Variants in TMEM132B observed in about 807,000 individuals in gnomAD.
The protein encoded by TMEM132B is transmembrane protein 132B.
Under a neutral mutation model 90.8 loss-of-function variants are expected in TMEM132B, and 18 were observed. That is an observed-to-expected ratio of 0.20 (90% CI 0.14 to 0.29). The LOEUF is 0.29. Ranked by LOEUF, TMEM132B falls within the 10% of genes least tolerant of loss-of-function variation. The probability of loss-of-function intolerance (pLI) is 1.00; values close to 1 mark genes in which losing one functional copy is unlikely to be tolerated. For missense variants in TMEM132B, 1,096 were observed against 1,326.8 expected (o/e 0.83, Z 2.70); for synonymous variants, 504 against 523.3 (o/e 0.96, Z 0.50).
At chr12:125,391,052 TGTG>T (rs1878999788) in intron 2 of TMEM132B, among the ~76,000 whole-genome samples, 1 of 151,092 alleles carries the variant, frequency 6.6e-6, no homozygotes, top group African/African-American at 2.4e-5. Context: ...TGTGTGTGTG[TGTG>T]TGTGTGTGTG....
At chr12:125,274,390 T>A (rs11058114) in intron 1 of TMEM132B, among the ~76,000 whole-genome samples, 15,888 of 152,260 alleles carry the variant, frequency 0.1, 894 homozygotes, top group African/African-American at 0.12. Flanking sequence ...ATCCTCCAGG[T>A]TCAGTGTCTA....
intron 1 of TMEM132B, among the ~76,000 whole-genome samples, chr12:125,346,505 A>G (rs1015784866): frequency 1.7e-4 from 26 of 152,354 alleles, no homozygotes; most frequent in African/African-American, 5.5e-4. Context: ...TCCTGTTGCC[A>G]AGTAATTCAT....
intron 4 of TMEM132B, among the ~76,000 whole-genome samples, chr12:125,551,968 A>G (rs570041140): frequency 6.6e-6 from 1 of 152,282 alleles, no homozygotes; most frequent in South Asian, 2.1e-4. Flanking sequence ...TTGCCATGAG[A>G]TGACAAATGT....
chr12:125,611,215 T>G (rs1331403967), intron 5 of TMEM132B, among the ~76,000 whole-genome samples: 1 of 152,168 alleles, frequency 6.6e-6, no homozygotes, highest in African/African-American at 2.4e-5. Context: ...TATCTACAAC[T>G]CGTTTTTATT....
chr12:125,234,097 G>A (rs1873880578), intron 1 of TMEM132B, among the ~76,000 whole-genome samples: 1 of 152,214 alleles, frequency 6.6e-6, no homozygotes, highest in African/African-American at 2.4e-5. Flanking sequence ...GCTCCTGGCA[G>A]GCAGTTGGTC....
intron 2 of TMEM132B, among the ~76,000 whole-genome samples, chr12:125,397,798 AC>A (rs1879210099): frequency 6.6e-6 from 1 of 152,222 alleles, no homozygotes; most frequent in Non-Finnish European, 1.5e-5. Flanking sequence ...TGCTTGGGGC[AC>A]CAATGCTTGG....
intron 5 of TMEM132B, among the ~76,000 whole-genome samples, chr12:125,595,138 A>G (rs199515851): frequency 6.6e-6 from 1 of 152,154 alleles, no homozygotes; most frequent in East Asian, 1.9e-4. Flanking sequence ...TGGCAGATGT[A>G]TTATAATGTG....
chr12:125,544,577 A>G lies in TMEM132B; in HGVS notation c.1293+24952A>G, dbSNP rs1165821228. On this transcript the variant is annotated intron_variant, in intron 4 of 8. Coordinates refer to ENST00000682704, the MANE Select transcript of TMEM132B (RefSeq NM_001366854.1). ...GGTGCTGATATCAGTAGAAGGGAAA[A>G]TGGGTAAAGAGTAGACCTCAAAAAA... is the stretch of plus-strand genomic sequence containing the variant. Among the ~76,000 whole-genome samples the G allele has an allele frequency of 3.9e-5, 6 of 152,302 alleles. No homozygotes were observed. In the East Asian group the frequency reaches 1.2e-3, roughly 29 times the overall value.
At chr12:125,239,330 A>G (rs1874011159) in intron 1 of TMEM132B, among the ~76,000 whole-genome samples, 1 of 152,190 alleles carries the variant, frequency 6.6e-6, no homozygotes, top group South Asian at 2.1e-4. Flanking sequence ...ATTGAATTAT[A>G]GTCATAGTCA....
rs1886882779 is a variant in TMEM132B at position 125,650,683 on chromosome 12, G to A, written c.1644G>A (p.Arg548=). 3 of 1,606,628 alleles carry A rather than the reference G, an allele frequency of 1.9e-6. No homozygotes were observed. The highest frequency in any genetic ancestry group is 2.6e-6 in the Non-Finnish European group (3 of 1,173,552). ...TCTGTTTCGATTCCTTGTGCTCCAGGCCTACCCGGGAAAGCGATGACGAGG... is the reference window on the plus strand; with the variant it reads ...TCTGTTTCGATTCCTTGTGCTCCAGACCTACCCGGGAAAGCGATGACGAGG... ...GWRIPVAANR[R]PTRESDDEDD... Residue 548 remains arginine, a splice_region_variant and synonymous_variant, in exon 7 of 9, where the codon AGG becomes AGA. Transcript: ENST00000682704.
intron 5 of TMEM132B, among the ~76,000 whole-genome samples, chr12:125,621,261 T>C (rs768421642): frequency 6.6e-6 from 1 of 152,052 alleles, no homozygotes; most frequent in Non-Finnish European, 1.5e-5. Context: ...GAGAAGGTGA[T>C]GTTTGAGCCG....
Position 125,656,018 on chromosome 12 carries a change from A to G in TMEM132B, c.*1308A>G, listed in dbSNP as rs1887051730. On this transcript the variant is annotated 3_prime_UTR_variant, in exon 9 of 9. Transcript: ENST00000682704. ...CTCAAGAAGCAGCTATTATAGAAAA[A>G]AAAATTAAAAACCACAGCTATTGAA... is the stretch of plus-strand genomic sequence containing the variant. 6.6e-6 allele frequency: 1 copy of G among 152,210 alleles called. No individual in the cohort carries two copies. Among genetic ancestry groups the G allele is most frequent in the Admixed American group, 6.5e-5 (1 of 15,280 alleles). 9.4% of individuals were successfully genotyped at this position (152,210 alleles called of 1,614,324 possible).
intron 1 of TMEM132B, among the ~76,000 whole-genome samples, chr12:125,325,764 A>T (rs938311678): frequency 4.7e-5 from 7 of 150,038 alleles, no homozygotes; most frequent in African/African-American, 1.7e-4. Flanking sequence ...TGTTGTTTCC[A>T]ACTTTTCAGG....
intron 5 of TMEM132B, among the ~76,000 whole-genome samples, chr12:125,611,389 CTA>C (rs1442528807): frequency 1.3e-5 from 2 of 151,104 alleles, no homozygotes; most frequent in African/African-American, 4.9e-5. Context: ...CTATTTTTTT[CTA>C]TGATATATTT....
At chr12:125,531,953 C>T (rs1352054618) in intron 4 of TMEM132B, among the ~76,000 whole-genome samples, 1 of 152,244 alleles carries the variant, frequency 6.6e-6, no homozygotes, top group East Asian at 1.9e-4. Context: ...GTTATTCCAG[C>T]ACATAGTGCC....
intron 2 of TMEM132B, among the ~76,000 whole-genome samples, chr12:125,383,650 A>G (rs1335851009): frequency 6.6e-6 from 1 of 152,196 alleles, no homozygotes; most frequent in Non-Finnish European, 1.5e-5. Flanking sequence ...TATTTTTACA[A>G]AGGCAAGTTT....
chr12:125,428,977 A>T (rs1157128403), intron 3 of TMEM132B, among the ~76,000 whole-genome samples: 2 of 152,156 alleles, frequency 1.3e-5, no homozygotes, highest in African/African-American at 4.8e-5. Flanking sequence ...TCCTCTTTTA[A>T]AAATAATAAT....
intron 3 of TMEM132B, among the ~76,000 whole-genome samples, chr12:125,431,636 G>C (rs745852093): frequency 6.6e-6 from 1 of 152,164 alleles, no homozygotes; most frequent in Non-Finnish European, 1.5e-5. Flanking sequence ...GAAAACCCAC[G>C]ATTGGGAAGA....
At chr12:125,227,533 G>A (rs57834035) in intron 1 of TMEM132B, among the ~76,000 whole-genome samples, 3,633 of 152,178 alleles carry the variant, frequency 0.024, 153 homozygotes, top group African/African-American at 0.084. Flanking sequence ...GGAAATACCT[G>A]CTGGGCAGCA....
Sources: gnomAD v4.1 joint callset for allele counts (sites outside exome capture counted in the v4.1 genomes callset) on GRCh38, gnomAD v4.1.1 for gene constraint, MANE v1.5 for transcripts, NCBI Gene and HGNC (gene_info 2026-07-23, HGNC 2026-07-21) for gene names.